The following RFC3 variants were observed in gnomAD, a reference collection of about 807,000 sequenced individuals.
RFC3 encodes A1 38 kDa subunit.
A neutral mutation model predicts 45.1 loss-of-function variants in RFC3; 41 were observed. The observed-to-expected ratio is 0.91, with a 90% CI of 0.71 to 1.18. The LOEUF is 1.18. Ranked by LOEUF, RFC3 falls within the 50% of genes most tolerant of loss-of-function variation. The pLI is 0.00. For missense variants in RFC3, 423 were observed against 428.1 expected, an observed-to-expected ratio of 0.99 and a Z score of 0.10; for synonymous variants, 149 against 144.0, an observed-to-expected ratio of 1.03 and a Z score of -0.25.
downstream of RFC3, among the ~76,000 whole-genome samples, chr13:33,969,629 CT>C (rs1405050528): frequency 1.3e-5 from 2 of 152,124 alleles, no homozygotes; most frequent in African/African-American, 4.8e-5. Flanking sequence ...GAGTGATGTT[CT>C]TAAGTAGAAG....
At chr13:33,901,842 TAAAC>T (rs1042445932) in intron 8 of RFC3, among the ~76,000 whole-genome samples, 3 of 151,862 alleles carry the variant, frequency 2.0e-5, no homozygotes, top group Non-Finnish European at 1.5e-5. Flanking sequence ...CACATAAAAA[TAAAC>T]AAGAAACAAA....
intron 8 of RFC3, among the ~76,000 whole-genome samples, chr13:33,947,914 G>A (rs1226455332): frequency 6.6e-6 from 1 of 152,172 alleles, no homozygotes; most frequent in African/African-American, 2.4e-5. Context: ...AAGCATTCAA[G>A]AGGAAGCAGA....
chr13:33,859,360 G>A (rs2082326422), intron 8 of RFC3, among the ~76,000 whole-genome samples: 2 of 152,008 alleles, frequency 1.3e-5, no homozygotes, highest in African/African-American at 4.8e-5. Flanking sequence ...TAATAGAGAC[G>A]ATAATCAATC....
intron 8 of RFC3, among the ~76,000 whole-genome samples, chr13:33,882,160 A>G (rs2082489272): frequency 6.6e-6 from 1 of 152,174 alleles, no homozygotes; most frequent in Non-Finnish European, 1.5e-5. Context: ...CCCTGATGTT[A>G]GCATCTTATG....
At chr13:33,852,333 A>G (rs1281343647) in intron 8 of RFC3, among the ~76,000 whole-genome samples, 1 of 152,154 alleles carries the variant, frequency 6.6e-6, no homozygotes, top group African/African-American at 2.4e-5. Flanking sequence ...TTCTGTTGAG[A>G]ATGAGCCTAT....
At chr13:33,885,300 TAGTC>T (rs149139024) in intron 8 of RFC3, among the ~76,000 whole-genome samples, 3,511 of 152,034 alleles carry the variant, frequency 0.023, 73 homozygotes, top group African/African-American at 0.047. Context: ...CTTGATCTAA[TAGTC>T]AGAGTACCAT....
At chr13:33,901,171 A>G (rs1245005416) in intron 8 of RFC3, among the ~76,000 whole-genome samples, 1 of 152,034 alleles carries the variant, frequency 6.6e-6, no homozygotes, top group East Asian at 1.9e-4. Context: ...ACTATATGAT[A>G]TAGGAATTCA....
intron 8 of RFC3, among the ~76,000 whole-genome samples, chr13:33,918,080 T>C (rs2137723328): frequency 6.6e-6 from 1 of 152,228 alleles, no homozygotes; most frequent in African/African-American, 2.4e-5. Context: ...TTCAGAAAGG[T>C]CCAGAGGCTT....
intron 8 of RFC3, among the ~76,000 whole-genome samples, chr13:33,892,898 C>G (rs1468711151): frequency 1.4e-4 from 21 of 152,168 alleles, no homozygotes. Flanking sequence ...TGTCCAGCAC[C>G]AAGTGCACAA....
chr13:33,922,489 T>C (rs2137737881), intron 8 of RFC3, among the ~76,000 whole-genome samples: 1 of 152,284 alleles, frequency 6.6e-6, no homozygotes, highest in South Asian at 2.1e-4. Flanking sequence ...ATGTTAACTA[T>C]TTAAGTATGT....
intron 8 of RFC3, among the ~76,000 whole-genome samples, chr13:33,854,301 G>C (rs1358155686): frequency 1.3e-5 from 2 of 152,186 alleles, no homozygotes; most frequent in African/African-American, 4.8e-5. Flanking sequence ...CAAAGACAAA[G>C]TAAATGGAAG....
intron 8 of RFC3, among the ~76,000 whole-genome samples, chr13:33,916,668 A>G (rs1427650038): frequency 2.0e-5 from 3 of 152,166 alleles, no homozygotes. Context: ...GTGTCTGTGT[A>G]TATGTAGGCA....
At position 33,836,336 on chromosome 13, in the gene RFC3, AT is replaced by A; in HGVS notation, c.*44del. The A allele has an allele frequency of 6.2e-7, 1 of 1,600,416 alleles. No individual in the cohort carries two copies. The highest frequency in any genetic ancestry group is 8.5e-7 in the Non-Finnish European group (1 of 1,170,336). On this transcript the variant is annotated 3_prime_UTR_variant, in exon 9 of 9. Transcript: ENST00000380071. ...CTTGCAAAGATTTCTCAGTATCAGT[AT>A]TTACATACAGCTTATATTAAAAGAG...
At chr13:33,888,616 T>C (rs1015051896) in intron 8 of RFC3, among the ~76,000 whole-genome samples, 4 of 152,204 alleles carry the variant, frequency 2.6e-5, no homozygotes, top group African/African-American at 7.2e-5. Context: ...ATGAAAGTTT[T>C]GTATAGTAAA....
downstream of RFC3, among the ~76,000 whole-genome samples, chr13:33,842,221 G>A (rs1379414087): frequency 6.6e-6 from 1 of 151,862 alleles, no homozygotes; most frequent in Non-Finnish European, 1.5e-5. Flanking sequence ...CTAGGAAGTT[G>A]AAGCTGCAAT....
At chr13:33,870,073 C>A (rs538646315) in intron 8 of RFC3, among the ~76,000 whole-genome samples, 145 of 152,290 alleles carry the variant, frequency 9.5e-4, no homozygotes, top group African/African-American at 3.4e-3. Flanking sequence ...TACCTAGAAT[C>A]TAGTTCTTAA....
At position 33,886,880 on chromosome 13, in the gene RFC3, C is replaced by T. The variant is rs1205402827; in HGVS notation, c.879+51663C>T. 7.5e-3 allele frequency among the ~76,000 whole-genome samples: 1,101 copies of T among 147,662 alleles called. 11 individuals are homozygous for T. Among genetic ancestry groups the T allele is most frequent in the African/African-American group, 0.026 (1,035 of 39,866 alleles). ...GTTCCTACCTATGAGTGAGAATATG[C>T]GGTGTTTGGTTTTTTGTTCTTGCGA... On this transcript the variant is annotated intron_variant, in intron 8 of 8. Transcript: ENST00000434425.
chr13:33,888,171 C>A (rs1357733314), intron 8 of RFC3, among the ~76,000 whole-genome samples: 2 of 152,144 alleles, frequency 1.3e-5, no homozygotes, highest in Non-Finnish European at 2.9e-5. Context: ...TGAAGAAAGT[C>A]ATTGGTAGCT....
At chr13:33,862,008 A>C (rs1222114685) in intron 8 of RFC3, among the ~76,000 whole-genome samples, 1 of 152,242 alleles carries the variant, frequency 6.6e-6, no homozygotes, top group East Asian at 1.9e-4. Flanking sequence ...ATTTCAGATG[A>C]TACAGTAATT....
Sources: gnomAD v4.1 joint callset for allele counts (sites outside exome capture counted in the v4.1 genomes callset) on GRCh38, gnomAD v4.1.1 for gene constraint, MANE v1.5 for transcripts, NCBI Gene and HGNC (gene_info 2026-07-23, HGNC 2026-07-21) for gene names.